ME3: variants seen among roughly 807,000 people sequenced by gnomAD.
ME3 encodes malic enzyme 3, also known as NADP-dependent malic enzyme, mitochondrial.
ME3 carries 48 observed loss-of-function variants against 68.9 expected under a neutral mutation model. The observed-to-expected ratio is 0.70, with a 90% CI of 0.55 to 0.89. The LOEUF is 0.89. Among genes scored for constraint, ME3 ranks in the 40% least tolerant of loss-of-function variants. ME3 has a pLI of 0.00. For synonymous variants in ME3, 320 were observed against 318.8 expected (o/e 1.00, Z -0.04); for missense variants, 675 against 797.4 (o/e 0.85, Z 1.85).
chr11:86,455,665 C>G (rs1045750943), intron 8 of ME3, among the ~76,000 whole-genome samples: 1 of 152,138 alleles, frequency 6.6e-6, no homozygotes, highest in South Asian at 2.1e-4. Context: ...ATCTAGAAGA[C>G]CATTTTGCAG....
At chr11:86,446,595 A>C in intron 12 of ME3, 108 bp from the exon 13 acceptor site, 1 of 1,053,822 alleles carries the variant, frequency 9.5e-7, no homozygotes, top group Non-Finnish European at 1.4e-6. Context: ...CCTCTCCCAA[A>C]CGCCCAGCAC....
chr11:86,606,570 T>G (rs1370488045), intron 2 of ME3, among the ~76,000 whole-genome samples: 1 of 152,172 alleles, frequency 6.6e-6, no homozygotes, highest in Non-Finnish European at 1.5e-5. Context: ...TTGACAGTCT[T>G]CCAAAATATT....
At chr11:86,535,013 A>C (rs1955551667) in intron 4 of ME3, among the ~76,000 whole-genome samples, 1 of 152,186 alleles carries the variant, frequency 6.6e-6, no homozygotes, top group South Asian at 2.1e-4. Context: ...ATTCTTAACG[A>C]AGGTTTAAAA....
rs376911149 is a variant in ME3, at chr11:86,637,407, G to A, written c.183+34355C>T. Among the ~76,000 whole-genome samples, 3 of 151,576 alleles carry A rather than the reference G, an allele frequency of 2.0e-5. No individual in the cohort carries two copies. The East Asian group carries it at 5.8e-4, about 29-fold the overall frequency. Reference sequence around the variant, plus strand: ...CAGTGTGATAAGTGCCATGGCAGTGGAATAAACACCCAGACACAATGAGAA... The same window carrying A: ...CAGTGTGATAAGTGCCATGGCAGTGAAATAAACACCCAGACACAATGAGAA... On this transcript the variant is annotated intron_variant, in intron 2 of 14. Coordinates refer to ENST00000543262, the Ensembl canonical transcript of ME3.
At chr11:86,533,092 A>C (rs1303455600) in intron 4 of ME3, among the ~76,000 whole-genome samples, 1 of 152,074 alleles carries the variant, frequency 6.6e-6, no homozygotes, top group East Asian at 1.9e-4. Context: ...CTAATCTTAT[A>C]CCTCAAGGAA....
At chr11:86,465,393 G>A (rs1950425919) in intron 7 of ME3, among the ~76,000 whole-genome samples, 193 bp from the exon 8 acceptor site, 1 of 152,152 alleles carries the variant, frequency 6.6e-6, no homozygotes, top group Admixed American at 6.5e-5. Flanking sequence ...TATCATGGAT[G>A]AGGATGGGGA....
At chr11:86,647,304 G>A (rs1438415332) in intron 2 of ME3, among the ~76,000 whole-genome samples, 5 of 152,080 alleles carry the variant, frequency 3.3e-5, no homozygotes, top group African/African-American at 9.7e-5. Context: ...CTAACACAGT[G>A]AAACCCCATC....
intron 2 of ME3, among the ~76,000 whole-genome samples, chr11:86,611,910 C>T (rs1458975516): frequency 6.8e-6 from 1 of 147,742 alleles, no homozygotes; most frequent in Non-Finnish European, 1.5e-5. Flanking sequence ...GTTCTATGCT[C>T]AGCACTTTGG....
intron 4 of ME3, among the ~76,000 whole-genome samples, chr11:86,548,851 T>C (rs116731022): frequency 0.015 from 2,323 of 152,302 alleles, 50 homozygotes; most frequent in African/African-American, 0.043. Context: ...CTTCTACTAA[T>C]GTACAGTGGG....
intron 4 of ME3, among the ~76,000 whole-genome samples, chr11:86,521,736 T>G (rs765671088): frequency 9.2e-5 from 14 of 152,236 alleles, no homozygotes; most frequent in Non-Finnish European, 1.9e-4. Context: ...AAAAACTCAC[T>G]GATCTGTAGA....
chr11:86,662,555 C>A (rs1355954305), intron 2 of ME3, among the ~76,000 whole-genome samples: 1 of 152,042 alleles, frequency 6.6e-6, no homozygotes. Flanking sequence ...TATGATTGTG[C>A]CACTGTACTC....
intron 2 of ME3, among the ~76,000 whole-genome samples, chr11:86,599,427 G>A (rs1305838500): frequency 6.6e-6 from 1 of 152,182 alleles, no homozygotes; most frequent in African/African-American, 2.4e-5. Flanking sequence ...AACGAACAAA[G>A]CCTCCAAGAA....
intron 2 of ME3, among the ~76,000 whole-genome samples, chr11:86,589,265 C>T (rs1273973234): frequency 6.6e-6 from 1 of 152,064 alleles, no homozygotes; most frequent in African/African-American, 2.4e-5. Context: ...TCTTAGGTTT[C>T]CTCAGGGCAG....
At chr11:86,642,940 A>T (rs982044937) in intron 2 of ME3, among the ~76,000 whole-genome samples, 4 of 152,190 alleles carry the variant, frequency 2.6e-5, no homozygotes, top group African/African-American at 9.7e-5. Flanking sequence ...GAGGAATGTG[A>T]TATCTTGGTT....
At chr11:86,486,223 T>G (rs1449536873) in intron 7 of ME3, among the ~76,000 whole-genome samples, 1 of 152,160 alleles carries the variant, frequency 6.6e-6, no homozygotes, top group Admixed American at 6.6e-5. Context: ...AAGGACTTTT[T>G]CCCCCCATCC....
intron 7 of ME3, among the ~76,000 whole-genome samples, chr11:86,468,752 C>T (rs1339762390): frequency 6.6e-6 from 1 of 152,138 alleles, no homozygotes; most frequent in Non-Finnish European, 1.5e-5. Flanking sequence ...TGTTAATTAT[C>T]AATTGCCTTA....
intron 7 of ME3, among the ~76,000 whole-genome samples, chr11:86,474,942 A>G (rs760739612): frequency 6.6e-6 from 1 of 152,250 alleles, no homozygotes; most frequent in Admixed American, 6.5e-5. Flanking sequence ...TCAATAAAGG[A>G]ATTAATAAAT....
chr11:86,475,257 T>A (rs1457421374), intron 7 of ME3, among the ~76,000 whole-genome samples: 1 of 152,114 alleles, frequency 6.6e-6, no homozygotes, highest in Non-Finnish European at 1.5e-5. Context: ...TGTCATGAGG[T>A]CTGGTTGTTT....
chr11:86,574,402 G>GGT (rs1554986051), intron 2 of ME3, among the ~76,000 whole-genome samples: 1 of 89,524 alleles, frequency 1.1e-5, no homozygotes, highest in Non-Finnish European at 2.7e-5. Flanking sequence ...GTTGCCGGGG[G>GGT]GGGGGGGGGT....
Sources: gnomAD v4.1 joint callset for allele counts (sites outside exome capture counted in the v4.1 genomes callset) on GRCh38, gnomAD v4.1.1 for gene constraint, MANE v1.5 for transcripts, NCBI Gene and HGNC (gene_info 2026-07-23, HGNC 2026-07-21) for gene names.